PLEKHG1: variants seen among roughly 807,000 people sequenced by gnomAD.
PLEKHG1 encodes the protein pleckstrin homology and RhoGEF domain containing G1.
Under a neutral mutation model 100.8 loss-of-function variants are expected in PLEKHG1, and 44 were observed. The observed-to-expected ratio is 0.44, with a 90% confidence interval of 0.34 to 0.56. The LOEUF (loss-of-function observed/expected upper bound fraction) is 0.56. Among genes scored for constraint, PLEKHG1 ranks in the 20% least tolerant of loss-of-function variants. The probability of loss-of-function intolerance (pLI) is 0.01; values close to 1 mark genes in which losing one functional copy is unlikely to be tolerated. For missense variants in PLEKHG1, 1,545 were observed against 1,720.9 expected, an observed-to-expected ratio of 0.90 and a Z score of 1.81; for synonymous variants, 640 against 662.5, an observed-to-expected ratio of 0.97 and a Z score of 0.52.
chr6:150,659,898 C>T (rs1430626134), intron 3 of PLEKHG1, among the ~76,000 whole-genome samples: 1 of 152,172 alleles, frequency 6.6e-6, no homozygotes, highest in East Asian at 1.9e-4. Context: ...TTATGCATGG[C>T]ACACAGTCTG....
At position 150,781,514 on chromosome 6, in the gene PLEKHG1, AAG is replaced by A. The variant is rs558910249; in HGVS notation, c.513-4874_513-4873del. On this transcript the variant is annotated intron_variant, in intron 3 of 15. Coordinates refer to ENST00000358517, the Ensembl canonical transcript of PLEKHG1. ...TGCGAGATTCCATCTCCAAAAAAAA[AAG>A]AAAAGAAAAGAAAATCAGTAAGATT... Among the ~76,000 whole-genome samples, 287 of 152,124 alleles carry A rather than the reference AAG, an allele frequency of 1.9e-3. 1 individual carries two copies. The highest frequency in any genetic ancestry group is 0.012 in the South Asian group (59 of 4,810).
chr6:150,674,632 CCTCTCTCT>C (rs756355880), intron 3 of PLEKHG1, among the ~76,000 whole-genome samples: 664 of 66,346 alleles, frequency 0.01, 8 homozygotes, highest in East Asian at 0.032. Context: ...CTCTCTCCTC[CCTCTCTCT>C]CTCTCTCTCT....
At position 150,610,013 on chromosome 6, in the gene PLEKHG1, G is replaced by A. The variant is rs1582803586; in HGVS notation, c.-204+9996G>A. Among the ~76,000 whole-genome samples the A allele has an allele frequency of 2.0e-5, 3 of 152,288 alleles. No homozygotes were observed. The East Asian group carries it at 5.8e-4, about 29-fold the overall frequency. ...GTGATGCTGTGACGCGATGCTGGGT[G>A]AACTCCCCTCACCACAAGCACCTAC... On this transcript the variant is annotated intron_variant, in intron 1 of 3. Transcript: ENST00000367326.
At chr6:150,748,069 C>T (rs183557837) in intron 2 of PLEKHG1, among the ~76,000 whole-genome samples, 13 of 152,264 alleles carry the variant, frequency 8.5e-5, no homozygotes, top group African/African-American at 3.1e-4. Flanking sequence ...CCTCAGGGAA[C>T]CAGCTTTCTA....
chr6:150,666,169 A>C (rs1447303171), intron 3 of PLEKHG1, among the ~76,000 whole-genome samples: 1 of 152,250 alleles, frequency 6.6e-6, no homozygotes, highest in African/African-American at 2.4e-5. Context: ...TTCTATAAAT[A>C]TAATGCAGCT....
upstream of PLEKHG1, among the ~76,000 whole-genome samples, chr6:150,719,329 TG>T (rs1451106284): frequency 1.3e-5 from 2 of 152,160 alleles, no homozygotes; most frequent in African/African-American, 4.8e-5. Flanking sequence ...GTAATTTTAT[TG>T]GAAGTTAAAA....
At chr6:150,809,012 G>C in intron 7 of PLEKHG1, 93 bp from the exon 9 acceptor site, 1 of 1,035,340 alleles carries the variant, frequency 9.7e-7, no homozygotes, top group South Asian at 1.5e-5. Flanking sequence ...GGGACGATTT[G>C]GCACCATTCT....
At chr6:150,752,304 C>T (rs537473628) in intron 2 of PLEKHG1, among the ~76,000 whole-genome samples, 2 of 152,160 alleles carry the variant, frequency 1.3e-5, no homozygotes, top group Non-Finnish European at 2.9e-5. Context: ...TAACTTAAAA[C>T]TTATTTTAAC....
intron 15 of PLEKHG1, among the ~76,000 whole-genome samples, chr6:150,836,143 G>A (rs1324905962): frequency 6.6e-6 from 1 of 152,144 alleles, no homozygotes; most frequent in Non-Finnish European, 1.5e-5. Context: ...TTGGGAGGCT[G>A]AGGCGGGCAG....
rs979959706 is a variant in PLEKHG1 at position 150,805,488 on chromosome 6, C to T, written c.912+747C>T. On this transcript the variant is annotated intron_variant, in intron 7 of 15. Transcript: ENST00000358517. ...AGCCAAGGCTGAACCAGCTCCTTTA[C>T]AGTCACTTGGGACCTGACCCTCCAG... 3.3e-5 allele frequency among the ~76,000 whole-genome samples: 5 copies of T among 151,674 alleles called. No homozygotes were observed. The East Asian group carries it at 5.8e-4, about 18-fold the overall frequency.
chr6:150,780,137 AT>A (rs772671634), intron 3 of PLEKHG1, among the ~76,000 whole-genome samples: 22,308 of 135,348 alleles, frequency 0.16, 2,211 homozygotes, highest in Non-Finnish European at 0.23. Context: ...CTTTTCTTTA[AT>A]TTTTTTTTTT....
chr6:150,818,045 A>G (rs958589445), intron 10 of PLEKHG1, 138 bp from the exon 12 acceptor site: 2 of 714,244 alleles, frequency 2.8e-6, no homozygotes, highest in Admixed American at 2.4e-5. Flanking sequence ...CACTGTGTGT[A>G]AATGCTTAAC....
intron 2 of PLEKHG1, among the ~76,000 whole-genome samples, chr6:150,748,266 T>G (rs1334747618): frequency 6.7e-6 from 1 of 150,244 alleles, no homozygotes; most frequent in Non-Finnish European, 1.5e-5. Flanking sequence ...AGATTGCATT[T>G]CGTTTATCCA....
At chr6:150,822,177 A>AAAAAAAAAAAAAAC (rs1278144184) in intron 13 of PLEKHG1, among the ~76,000 whole-genome samples, 4 of 124,392 alleles carry the variant, frequency 3.2e-5, no homozygotes, top group African/African-American at 5.6e-5. Flanking sequence ...AAAAAAAAAA[A>AAAAAAAAAAAAAAC]AGAATAGGGC....
At chr6:150,837,253 G>A (rs973031611) in intron 15 of PLEKHG1, among the ~76,000 whole-genome samples, 4 of 152,030 alleles carry the variant, frequency 2.6e-5, no homozygotes, top group South Asian at 2.1e-4. Context: ...GTGTGTGTGT[G>A]CACACACAGG....
intron 10 of PLEKHG1, among the ~76,000 whole-genome samples, chr6:150,817,653 G>A (rs977187932): frequency 6.6e-5 from 10 of 150,638 alleles, no homozygotes; most frequent in Non-Finnish European, 1.3e-4. Flanking sequence ...CGCTTCCTGG[G>A]TTCAAGCGAT....
intron 1 of PLEKHG1, among the ~76,000 whole-genome samples, chr6:150,602,839 A>G (rs1386031643): frequency 6.6e-6 from 1 of 152,172 alleles, no homozygotes; most frequent in Non-Finnish European, 1.5e-5. Context: ...ATTTTTAATT[A>G]AATGTAATGG....
chr6:150,685,907 A>C (rs941426948), intron 3 of PLEKHG1, among the ~76,000 whole-genome samples: 6 of 152,232 alleles, frequency 3.9e-5, no homozygotes, highest in African/African-American at 1.4e-4. Flanking sequence ...TAAAAGTCAT[A>C]ACAACAGTAA....
At chr6:150,790,059 C>G (rs1273645337) in intron 4 of PLEKHG1, among the ~76,000 whole-genome samples, 1 of 152,092 alleles carries the variant, frequency 6.6e-6, no homozygotes, top group Non-Finnish European at 1.5e-5. Context: ...TCGCTCTTGT[C>G]ACCCAGGCTG....
Sources: gnomAD v4.1 joint callset for allele counts (sites outside exome capture counted in the v4.1 genomes callset) on GRCh38, gnomAD v4.1.1 for gene constraint, MANE v1.5 for transcripts, NCBI Gene and HGNC (gene_info 2026-07-23, HGNC 2026-07-21) for gene names.